The following GULP1 variants were observed in gnomAD, a reference collection of about 807,000 sequenced individuals.
The protein encoded by GULP1 is PTB domain-containing engulfment adapter protein 1.
In GULP1, 19 loss-of-function variants were observed where a neutral mutation model predicts 40.9. The observed-to-expected ratio is 0.46, with a 90% CI of 0.32 to 0.68. GULP1 has a LOEUF of 0.68. Ranked by LOEUF, GULP1 falls within the 30% of genes least tolerant of loss-of-function variation. The probability of loss-of-function intolerance (pLI) is 0.03; values close to 1 mark genes in which losing one functional copy is unlikely to be tolerated. For synonymous variants in GULP1, 119 were observed against 117.6 expected (o/e 1.01, Z -0.08); for missense variants, 312 against 362.2 (o/e 0.86, Z 1.12).
intron 1 of GULP1, among the ~76,000 whole-genome samples, chr2:188,303,753 C>T (rs1051437343): frequency 2.6e-5 from 4 of 152,192 alleles, no homozygotes; most frequent in Admixed American, 6.5e-5. Context: ...TCCTACATTA[C>T]TGTGATTGAC....
intron 2 of GULP1, among the ~76,000 whole-genome samples, chr2:188,402,489 A>T (rs1043452403): frequency 1.2e-4 from 19 of 152,052 alleles, no homozygotes; most frequent in African/African-American, 4.1e-4. Flanking sequence ...CTAGAATTAA[A>T]TTTTTTGGTT....
chr2:188,563,337 T>C (rs1276078960), intron 7 of GULP1, among the ~76,000 whole-genome samples: 2 of 151,722 alleles, frequency 1.3e-5, no homozygotes, highest in Non-Finnish European at 2.9e-5. Context: ...GCAGATCCTA[T>C]ATTCTTTAAA....
At chr2:188,323,957 T>C (rs911263943) in intron 1 of GULP1, among the ~76,000 whole-genome samples, 7 of 152,156 alleles carry the variant, frequency 4.6e-5, no homozygotes, top group African/African-American at 1.7e-4. Context: ...AAATAGGCTA[T>C]GTGAAAAGTT....
At chr2:188,304,584 G>T (rs905241320) in intron 1 of GULP1, among the ~76,000 whole-genome samples, 4 of 152,146 alleles carry the variant, frequency 2.6e-5, no homozygotes, top group Admixed American at 2.6e-4. Context: ...ATGCCAACTG[G>T]ACAGTTAGGC....
intron 7 of GULP1, among the ~76,000 whole-genome samples, chr2:188,551,546 A>G (rs1693443682): frequency 6.6e-6 from 1 of 151,696 alleles, no homozygotes; most frequent in Non-Finnish European, 1.5e-5. Flanking sequence ...GCATATATAC[A>G]CCACATTTTC....
intron 9 of GULP1, among the ~76,000 whole-genome samples, chr2:188,571,882 G>A (rs775634077): frequency 3.3e-5 from 5 of 152,164 alleles, no homozygotes; most frequent in East Asian, 1.9e-4. Context: ...TTTCATTTTT[G>A]TGTTGACAAA....
chr2:188,442,994 T>A (rs1200558726), intron 2 of GULP1, among the ~76,000 whole-genome samples: 3 of 152,114 alleles, frequency 2.0e-5, no homozygotes, highest in Non-Finnish European at 4.4e-5. Flanking sequence ...GACTGAAAAT[T>A]CAGGTGCCTT....
chr2:188,367,266 G>A (rs2046933745), intron 1 of GULP1, among the ~76,000 whole-genome samples: 1 of 152,184 alleles, frequency 6.6e-6, no homozygotes, highest in Non-Finnish European at 1.5e-5. Flanking sequence ...GTCTGTGTCT[G>A]TGTGAACTGG....
intron 1 of GULP1, among the ~76,000 whole-genome samples, chr2:188,379,417 T>C (rs1219788042): frequency 6.6e-6 from 1 of 152,208 alleles, no homozygotes; most frequent in East Asian, 1.9e-4. Flanking sequence ...TTTGTCTGGT[T>C]CTATTCCTAT....
chr2:188,450,337 AAC>A (rs1285408370), intron 2 of GULP1, among the ~76,000 whole-genome samples: 2 of 152,180 alleles, frequency 1.3e-5, no homozygotes, highest in Admixed American at 6.6e-5. Context: ...TATAATAAAT[AAC>A]AGTTAAGTGT....
intron 2 of GULP1, among the ~76,000 whole-genome samples, chr2:188,464,423 G>T (rs2059952524): frequency 1.3e-5 from 2 of 152,096 alleles, no homozygotes; most frequent in Admixed American, 6.5e-5. Context: ...ACCCCTGTAG[G>T]CACCACCCAT....
At chr2:188,579,459 G>GCA (rs1180310911) in intron 9 of GULP1, among the ~76,000 whole-genome samples, 1 of 151,966 alleles carries the variant, frequency 6.6e-6, no homozygotes, top group Admixed American at 6.6e-5. Flanking sequence ...TTTGATACCT[G>GCA]CACACAGTGT....
At chr2:188,403,843 A>G (rs1042452993) in intron 2 of GULP1, among the ~76,000 whole-genome samples, 5 of 152,296 alleles carry the variant, frequency 3.3e-5, no homozygotes, top group African/African-American at 1.2e-4. Flanking sequence ...TTCAAACCTG[A>G]AAATCTCCTG....
chr2:188,405,746 C>A (rs1315961989), intron 2 of GULP1, among the ~76,000 whole-genome samples: 11 of 152,226 alleles, frequency 7.2e-5, no homozygotes, highest in Admixed American at 5.9e-4. Context: ...ACCCCAGCAG[C>A]AAGCCTGCCT....
intron 1 of GULP1, among the ~76,000 whole-genome samples, chr2:188,328,041 G>A (rs1381583168): frequency 1.3e-5 from 2 of 152,060 alleles, no homozygotes; most frequent in Non-Finnish European, 2.9e-5. Flanking sequence ...ATGTGTCTGA[G>A]AGCATCTGGT....
chr2:188,579,190 T>C (rs773361533), intron 9 of GULP1, among the ~76,000 whole-genome samples: 2 of 152,266 alleles, frequency 1.3e-5, no homozygotes, highest in Non-Finnish European at 2.9e-5. Flanking sequence ...GCCCAGATTA[T>C]GACATTCAAG....
At chr2:188,369,153 G>A (rs990026965) in intron 1 of GULP1, among the ~76,000 whole-genome samples, 3 of 150,986 alleles carry the variant, frequency 2.0e-5, no homozygotes, top group East Asian at 3.9e-4. Flanking sequence ...TAGAGATGGG[G>A]TTTCACCATA....
chr2:188,496,314 AC>A (rs1305211645), intron 4 of GULP1, among the ~76,000 whole-genome samples: 2 of 152,028 alleles, frequency 1.3e-5, no homozygotes, highest in Admixed American at 1.3e-4. Flanking sequence ...GAAATGCCAC[AC>A]CACTTTCTTG....
chr2:188,424,906 C>T (rs1323508049), intron 2 of GULP1, among the ~76,000 whole-genome samples: 1 of 151,884 alleles, frequency 6.6e-6, no homozygotes, highest in African/African-American at 2.4e-5. Context: ...AAAATGTTAG[C>T]TAGATATAAA....
Sources: gnomAD v4.1 joint callset for allele counts (sites outside exome capture counted in the v4.1 genomes callset) on GRCh38, gnomAD v4.1.1 for gene constraint, MANE v1.5 for transcripts, NCBI Gene and HGNC (gene_info 2026-07-23, HGNC 2026-07-21) for gene names.